The following CCDC88A variants were observed in gnomAD, a reference collection of about 807,000 sequenced individuals.
CCDC88A encodes the protein girdin.
In CCDC88A, 54 loss-of-function variants were observed where a neutral mutation model predicts 234.3. The observed-to-expected ratio is 0.23, with a 90% CI of 0.19 to 0.29. The LOEUF is 0.29. Among genes scored for constraint, CCDC88A ranks in the 10% least tolerant of loss-of-function variants. The pLI is 1.00. For synonymous variants in CCDC88A, 753 were observed against 737.8 expected, an observed-to-expected ratio of 1.02 and a Z score of -0.33; for missense variants, 1,832 against 2,123.4, an observed-to-expected ratio of 0.86 and a Z score of 2.70.
intron 25 of CCDC88A, among the ~76,000 whole-genome samples, chr2:55,305,872 A>C (rs556679158): frequency 6.6e-6 from 1 of 151,110 alleles, no homozygotes; most frequent in Admixed American, 6.6e-5. Context: ...TAAAAAAAAA[A>C]CTTCCTTTAA....
In CCDC88A at chr2:55,339,476, C is replaced by G. The variant is rs563014353; in HGVS notation, c.1506G>C (p.Arg502Ser). The G allele has an allele frequency of 1.1e-4, 171 of 1,560,098 alleles. No homozygotes were observed. Among genetic ancestry groups the G allele is most frequent in the South Asian group, 6.6e-4 (56 of 84,644 alleles). The part of the protein sequence containing the change: ...KILKMEKENQ[R>S]LSKKVEILEN... ...CATTTTAATTTACCTTTTTACTGAG[C>G]CTTTGATTTTCTTTTTCCATTTTCA... The change falls in exon 13 of 33, where the codon AGG becomes AGC. Residue 502 changes from arginine (R) to serine (S), a missense_variant. By Grantham distance (110) the Arg-to-Ser change is moderately radical (BLOSUM62 -1). This residue lies in a region of CCDC88A where 1,282 missense variants were observed against 1,543.6 expected (regional missense o/e 0.83). Coordinates refer to ENST00000436346, the MANE Select transcript of CCDC88A (RefSeq NM_001365480.1).
chr2:55,300,595 C>T (rs1384904045), intron 28 of CCDC88A: 1 of 152,610 alleles, frequency 6.6e-6, no homozygotes, highest in African/African-American at 2.4e-5. Context: ...ACTGCAACCT[C>T]CGCCTCCTGG....
chr2:55,411,797 A>T (rs1202345184), intron 2 of CCDC88A, among the ~76,000 whole-genome samples: 1 of 143,292 alleles, frequency 7.0e-6, no homozygotes, highest in East Asian at 2.0e-4. Flanking sequence ...AAAAAAAAAA[A>T]AAAAAACTCA....
Position 55,332,460 on chromosome 2 carries a change from G to T in CCDC88A, c.2855+106C>A. 6.9e-7 allele frequency: 1 copy of T among 1,446,592 alleles called. No individual in the cohort carries two copies. The highest frequency in any genetic ancestry group is 9.1e-7 in the Non-Finnish European group (1 of 1,103,524). 89.6% of individuals were successfully genotyped at this position (1,446,592 alleles called of 1,614,324 possible). On this transcript the variant is annotated intron_variant, in intron 16 of 32. Coordinates refer to ENST00000436346, the MANE Select transcript of CCDC88A (RefSeq NM_001365480.1). The surrounding 1 kb of genome is among the most constrained non-coding windows in gnomAD (Gnocchi z 4.5). Reference sequence around the variant, plus strand: ...TAAGGGAAGGAAGGAACCAGAAATAGGGTGAAATATATAAATGTTTTCTAT... The same window carrying T: ...TAAGGGAAGGAAGGAACCAGAAATATGGTGAAATATATAAATGTTTTCTAT...
intron 25 of CCDC88A, among the ~76,000 whole-genome samples, chr2:55,304,620 T>C (rs1033798092): frequency 2.6e-5 from 4 of 152,150 alleles, no homozygotes; most frequent in African/African-American, 9.7e-5. Context: ...GAGAAAAGTA[T>C]ATCATTTTTA....
rs904956303 is a variant in CCDC88A, at chr2:55,380,016, G to A, written c.274-5133C>T. Among the ~76,000 whole-genome samples the A allele has an allele frequency of 9.4e-5, 13 of 138,574 alleles. No homozygotes were observed. The East Asian group carries it at 1.4e-3, about 15-fold the overall frequency. 90.9% of individuals were successfully genotyped at this position (138,574 alleles called of 152,430 possible). A position where few individuals can be genotyped will look rare whatever the true frequency, so the allele number is the denominator to read the frequency against. Reference sequence around the variant, plus strand: ...AGGCGGGTGGATCACTTGAGGCCAGGAGTTCGAGACCAGCCTGACCAGGAT... The same window carrying A: ...AGGCGGGTGGATCACTTGAGGCCAGAAGTTCGAGACCAGCCTGACCAGGAT... On this transcript the variant is annotated intron_variant, in intron 3 of 32. Coordinates refer to ENST00000436346, the MANE Select transcript of CCDC88A (RefSeq NM_001365480.1).
In CCDC88A at chr2:55,312,454, A is replaced by G. The variant is rs1682458690; in HGVS notation, c.4059T>C (p.His1353=). 1 of 1,612,390 alleles carries G rather than the reference A, an allele frequency of 6.2e-7. No individual in the cohort carries two copies. ...CCTACATGTACTGTCTTTGTTCAACATGAAAAAGATCCTTGCTTTCCATAT... is the reference window on the plus strand; with the variant it reads ...CCTACATGTACTGTCTTTGTTCAACGTGAAAAAGATCCTTGCTTTCCATAT... The part of the protein sequence containing the change: ...EQNMESKDLF[H]VEQRQYIDKL... The change falls in exon 23 of 33, where the codon CAT becomes CAC. Residue 1353 remains histidine, a synonymous_variant. Transcript: ENST00000436346.
chr2:55,332,429 T>C lies in CCDC88A; in HGVS notation c.2855+137A>G. The C allele has an allele frequency of 1.5e-6, 2 of 1,354,672 alleles. No individual in the cohort carries two copies. Among genetic ancestry groups the C allele is most frequent in the Non-Finnish European group, 1.9e-6 (2 of 1,052,806 alleles). The allele number at this position is 1,354,672 out of a possible 1,614,324, so 83.9% of individuals were successfully genotyped here. ...GAGCCACCGCACCCGGCTACAGAAC[T>C]TTCCTTAAGGGAAGGAAGGAACCAG... On this transcript the variant is annotated intron_variant, in intron 16 of 32. Coordinates refer to ENST00000436346, the MANE Select transcript of CCDC88A (RefSeq NM_001365480.1). The surrounding 1 kb of genome is among the most constrained non-coding windows in gnomAD (Gnocchi z 4.5).
chr2:55,400,040 T>G (rs1574468832), intron 2 of CCDC88A, among the ~76,000 whole-genome samples: 1 of 152,132 alleles, frequency 6.6e-6, no homozygotes, highest in Admixed American at 6.5e-5. Flanking sequence ...TAAAAAGAAA[T>G]GTAGTCTATT....
At chr2:55,297,380 TAAA>T (rs1459098879) in intron 29 of CCDC88A, among the ~76,000 whole-genome samples, 1 of 102,036 alleles carries the variant, frequency 9.8e-6, no homozygotes, top group African/African-American at 5.0e-5. Flanking sequence ...ATATTATATA[TAAA>T]TATATATTAT....
intron 13 of CCDC88A, among the ~76,000 whole-genome samples, chr2:55,338,748 C>T (rs1175032986): frequency 6.6e-6 from 1 of 152,118 alleles, no homozygotes; most frequent in East Asian, 1.9e-4. Context: ...GATTCAGGAC[C>T]AAAGCAGCTT....
chr2:55,399,730 T>C (rs570238098), intron 2 of CCDC88A: 1 of 152,336 alleles, frequency 6.6e-6, no homozygotes, highest in African/African-American at 2.4e-5. Context: ...TTGTGTTGGA[T>C]TGTTACTTAG....
At chr2:55,394,895 G>C (rs1240974494) in intron 2 of CCDC88A, among the ~76,000 whole-genome samples, 1 of 151,734 alleles carries the variant, frequency 6.6e-6, no homozygotes, top group African/African-American at 2.4e-5. Context: ...GCCCAGGCTG[G>C]AGTGCAATGG....
intron 32 of CCDC88A, 144 bp downstream of exon 32, chr2:55,291,532 T>C: frequency 2.4e-6 from 1 of 410,124 alleles, no homozygotes; most frequent in Non-Finnish European, 4.3e-6. Flanking sequence ...TAATCTTGCT[T>C]CACTAGTAAG....
intron 16 of CCDC88A, among the ~76,000 whole-genome samples, chr2:55,331,175 A>G (rs1684869654): frequency 6.6e-6 from 1 of 152,244 alleles, no homozygotes; most frequent in South Asian, 2.1e-4. Context: ...AGTGTCTTAC[A>G]TATAGTAGGT....
chr2:55,396,869 CAAA>C (rs34500780), intron 2 of CCDC88A, among the ~76,000 whole-genome samples: 206 of 58,856 alleles, frequency 3.5e-3, no homozygotes, highest in African/African-American at 0.012. Flanking sequence ...GACTCCATCT[CAAA>C]AAAAAAAAAA....
At chr2:55,381,117 A>G (rs185622356) in intron 3 of CCDC88A, among the ~76,000 whole-genome samples, 1 of 150,108 alleles carries the variant, frequency 6.7e-6, no homozygotes, top group African/African-American at 2.5e-5. Flanking sequence ...TATTCAGTAC[A>G]GTAACATGCT....
intron 13 of CCDC88A, chr2:55,339,247 C>T: frequency 2.1e-6 from 1 of 467,254 alleles, no homozygotes; most frequent in Non-Finnish European, 3.6e-6. Flanking sequence ...GCGTGAGCCC[C>T]CGCACCTGGC....
intron 31 of CCDC88A, chr2:55,294,011 A>C (rs1383814173): frequency 6.5e-6 from 1 of 152,820 alleles, no homozygotes; most frequent in African/African-American, 2.4e-5. Flanking sequence ...TACAAGTTCT[A>C]ATTTTACATT....
Sources: allele counts gnomAD v4.1 joint callset (sites outside exome capture counted in the v4.1 genomes callset), GRCh38; gene constraint gnomAD v4.1.1; regional missense constraint gnomAD v4.1.1; non-coding constraint Gnocchi (gnomAD v3.1); transcripts MANE v1.5; gene names NCBI Gene and HGNC (gene_info 2026-07-23, HGNC 2026-07-21).